Variants in RAB10 observed in about 807,000 individuals in gnomAD.
RAB10 encodes the protein RAB10, member RAS oncogene family.
In RAB10, 5 loss-of-function variants were observed where a neutral mutation model predicts 25.7. That is an observed-to-expected ratio of 0.19 (90% CI 0.10 to 0.41). RAB10 has a LOEUF of 0.41. RAB10 is among the 10% of genes least tolerant of loss of function. The pLI, the probability that RAB10 is intolerant of heterozygous loss-of-function variation, is 1.00. For missense variants in RAB10, 103 were observed against 245.8 expected (o/e 0.42, Z 3.89); for synonymous variants, 89 against 86.4 (o/e 1.03, Z -0.16).
chr2:26,100,361 C>T (rs999216518), intron 2 of RAB10, among the ~76,000 whole-genome samples: 6 of 152,186 alleles, frequency 3.9e-5, no homozygotes, highest in Non-Finnish European at 7.3e-5. Flanking sequence ...TGACAGTCTA[C>T]TTAGTAAGAT....
intron 3 of RAB10, among the ~76,000 whole-genome samples, chr2:26,114,737 C>CAAAAAAAA (rs58252306): frequency 6.1e-5 from 4 of 66,060 alleles, no homozygotes; most frequent in African/African-American, 2.2e-4. Flanking sequence ...CAAAAATATA[C>CAAAAAAAA]AAAAAAAAAA....
At chr2:26,099,690 G>A (rs968808226) in intron 2 of RAB10, among the ~76,000 whole-genome samples, 4 of 151,692 alleles carry the variant, frequency 2.6e-5, no homozygotes, top group Admixed American at 2.0e-4. Context: ...ATAGGTGCCC[G>A]CCACCACACC....
intron 1 of RAB10, among the ~76,000 whole-genome samples, chr2:26,043,164 T>C (rs1344851787): frequency 6.7e-6 from 1 of 148,986 alleles, no homozygotes; most frequent in Non-Finnish European, 1.5e-5. Context: ...AGGTGGCTTA[T>C]GCCCGTAAAT....
chr2:26,049,404 T>A (rs1473664344), intron 1 of RAB10, among the ~76,000 whole-genome samples: 2 of 151,568 alleles, frequency 1.3e-5, no homozygotes, highest in African/African-American at 2.4e-5. Flanking sequence ...GAAAGTTTTT[T>A]TTCCCTCTTT....
intron 3 of RAB10, among the ~76,000 whole-genome samples, chr2:26,123,775 A>G (rs996731860): frequency 2.0e-5 from 3 of 152,246 alleles, no homozygotes; most frequent in Non-Finnish European, 2.9e-5. Flanking sequence ...TGTGTGATAC[A>G]GGCACTGAAA....
chr2:26,034,856 A>G (rs1665729262), intron 1 of RAB10, 121 bp downstream of exon 1: 3 of 1,391,066 alleles, frequency 2.2e-6, no homozygotes. Context: ...CAAACGACAC[A>G]TCCAAGTTAC....
At chr2:26,105,798 CT>C (rs1391425880) in intron 2 of RAB10, among the ~76,000 whole-genome samples, 1 of 152,056 alleles carries the variant, frequency 6.6e-6, no homozygotes, top group African/African-American at 2.4e-5. Flanking sequence ...TTTACTGTAC[CT>C]TTTCTATGTT....
At chr2:26,057,728 TTCTC>T (rs1210887343) in intron 1 of RAB10, among the ~76,000 whole-genome samples, 1 of 151,904 alleles carries the variant, frequency 6.6e-6, no homozygotes, top group South Asian at 2.1e-4. Flanking sequence ...GTTCAAGTGA[TTCTC>T]TCACCTCTGC....
intron 1 of RAB10, among the ~76,000 whole-genome samples, chr2:26,098,195 A>ACTG (rs1256289134): frequency 6.2e-4 from 88 of 141,102 alleles, no homozygotes; most frequent in African/African-American, 2.3e-3. Context: ...TTAAAGGCTC[A>ACTG]CTGCAACCTC....
intron 1 of RAB10, among the ~76,000 whole-genome samples, chr2:26,063,710 T>C (rs1451760646): frequency 2.0e-5 from 3 of 152,230 alleles, no homozygotes; most frequent in Admixed American, 2.0e-4. Context: ...TTGCCTTGTC[T>C]CTTTATATTC....
chr2:26,092,195 A>G (rs532461732), intron 1 of RAB10, among the ~76,000 whole-genome samples: 1 of 151,352 alleles, frequency 6.6e-6, no homozygotes, highest in South Asian at 2.1e-4. Flanking sequence ...AAGAAAAAAG[A>G]TCAGATGAGG....
intron 1 of RAB10, among the ~76,000 whole-genome samples, chr2:26,062,549 A>G (rs1300762168): frequency 2.0e-5 from 3 of 152,050 alleles, no homozygotes; most frequent in Non-Finnish European, 4.4e-5. Flanking sequence ...CTGGTGGCGC[A>G]TACCTGTAAT....
At chr2:26,055,423 T>G (rs1402113571) in intron 1 of RAB10, among the ~76,000 whole-genome samples, 1 of 151,080 alleles carries the variant, frequency 6.6e-6, no homozygotes, top group African/African-American at 2.4e-5. Context: ...ATACTCACTC[T>G]TTCTCCCAGG....
At chr2:26,079,316 C>CACAA (rs2149273088) in intron 1 of RAB10, among the ~76,000 whole-genome samples, 1 of 86,230 alleles carries the variant, frequency 1.2e-5, no homozygotes, top group East Asian at 4.5e-4. Context: ...TTGAAACACA[C>CACAA]ACACACAAAC....
intron 1 of RAB10, among the ~76,000 whole-genome samples, chr2:26,044,868 A>G (rs1665963976): frequency 2.6e-5 from 4 of 152,056 alleles, no homozygotes; most frequent in Admixed American, 2.6e-4. Flanking sequence ...TAGAATCCAC[A>G]GCCAATCTTA....
chr2:26,111,817 A>G (rs1417686095), intron 3 of RAB10, among the ~76,000 whole-genome samples: 2 of 152,150 alleles, frequency 1.3e-5, no homozygotes, highest in African/African-American at 2.4e-5. Flanking sequence ...CTGAATTAGT[A>G]TCAGACTCCA....
At chr2:26,103,358 C>T (rs369155863) in intron 2 of RAB10, among the ~76,000 whole-genome samples, 135 of 152,250 alleles carry the variant, frequency 8.9e-4, no homozygotes, top group African/African-American at 2.9e-3. Flanking sequence ...TGCAGAAGCT[C>T]TTAGTAGGAA....
chr2:26,092,252 T>C (rs1667121771), intron 1 of RAB10, among the ~76,000 whole-genome samples: 1 of 146,712 alleles, frequency 6.8e-6, no homozygotes, highest in Non-Finnish European at 1.5e-5. Context: ...TCATTGATCA[T>C]AGTGAGAGCT....
intron 2 of RAB10, among the ~76,000 whole-genome samples, chr2:26,105,007 G>A (rs947606325): frequency 1.1e-4 from 17 of 152,050 alleles, no homozygotes; most frequent in Non-Finnish European, 2.4e-4. Flanking sequence ...AAAGTCCTGG[G>A]ATTACAGGCG....
Sources: gnomAD v4.1 joint callset for allele counts (sites outside exome capture counted in the v4.1 genomes callset) on GRCh38, gnomAD v4.1.1 for gene constraint, MANE v1.5 for transcripts, NCBI Gene and HGNC (gene_info 2026-07-23, HGNC 2026-07-21) for gene names.